The following IGFL4 variants were observed in gnomAD, a reference collection of about 807,000 sequenced individuals.
The protein encoded by IGFL4 is IGF like family member 4.
Under a neutral mutation model 15.4 loss-of-function variants are expected in IGFL4, and 12 were observed. The ratio of observed to expected loss-of-function variants is 0.78; its 90% CI spans 0.50 to 1.26. IGFL4 has a LOEUF of 1.26. IGFL4 is among the 50% of genes most tolerant of loss of function. IGFL4 has a pLI of 0.00. For missense variants in IGFL4, 126 were observed against 147.8 expected (o/e 0.85, Z 0.76); for synonymous variants, 54 against 55.9 (o/e 0.97, Z 0.16).
At chr19:46,044,683 C>T (rs1400334580), upstream of IGFL4, among the ~76,000 whole-genome samples, 1 of 152,204 alleles carries the variant, frequency 6.6e-6, no homozygotes, top group East Asian at 1.9e-4. Flanking sequence ...GACCCCATTC[C>T]TCCTGACTGG....
intron 1 of IGFL4, among the ~76,000 whole-genome samples, chr19:46,074,948 A>C (rs1969581317): frequency 6.6e-6 from 1 of 152,214 alleles, no homozygotes. Context: ...CTTTCACCAC[A>C]TTCTACTGGT....
intron 1 of IGFL4, among the ~76,000 whole-genome samples, chr19:46,067,570 A>G (rs1969506830): frequency 1.3e-5 from 2 of 152,200 alleles, no homozygotes; most frequent in Admixed American, 1.3e-4. Context: ...ATGACTGCAC[A>G]TAAGTCTCAT....
intron 1 of IGFL4, among the ~76,000 whole-genome samples, chr19:46,069,384 C>A (rs1246863640): frequency 6.6e-6 from 1 of 152,116 alleles, no homozygotes; most frequent in African/African-American, 2.4e-5. Context: ...CAAATGTATT[C>A]TAATGAAAAT....
rs71298768 is a variant in IGFL4, at chr19:46,064,164, C to CTAATTT, written c.-431-3872_-431-3871insAAATTA. On this transcript the variant is annotated intron_variant, in intron 1 of 5. Transcript: ENST00000601672. Reference sequence around the variant, plus strand: ...ACCTAGAAAAGCCAAAATATTTATTCTTAATTTTAATATTTGTGGGTACAT... The same window carrying CTAATTT: ...ACCTAGAAAAGCCAAAATATTTATTCTAATTTTTAATTTTAATATTTGTGGGTACAT... Among the ~76,000 whole-genome samples the CTAATTT allele has an allele frequency of 2.0e-5, 3 of 151,484 alleles. No homozygotes were observed. The East Asian group carries it at 5.8e-4, about 29-fold the overall frequency.
Position 46,040,586 on chromosome 19 carries a change from A to G in IGFL4, c.20-18T>C. 6.2e-7 allele frequency: 1 copy of G among 1,613,822 alleles called. No individual in the cohort carries two copies. The highest frequency in any genetic ancestry group is 8.5e-7 in the Non-Finnish European group (1 of 1,179,950). ...GATGGCAGCTGAGAAGCAGAAGGAG[A>G]GCGAGAATGATTCTGAGGTCACTAG... On this transcript the variant is annotated intron_variant, in intron 1 of 3. Transcript: ENST00000377697. This position sits in a 1 kb window ranked among gnomAD's most constrained non-coding sequence, Gnocchi z 4.1.
Position 46,040,461 on chromosome 19 carries a change from C to G in IGFL4, c.71-45G>C. 1 of 1,613,866 alleles carries G rather than the reference C, an allele frequency of 6.2e-7. No individual in the cohort carries two copies. Among genetic ancestry groups the G allele is most frequent in the Non-Finnish European group, 8.5e-7 (1 of 1,179,736 alleles). On this transcript the variant is annotated intron_variant, in intron 2 of 3. Coordinates refer to ENST00000377697, the MANE Select transcript of IGFL4 (RefSeq NM_001002923.3). This position sits in a 1 kb window ranked among gnomAD's most constrained non-coding sequence, Gnocchi z 4.1. ...ATGGGCTGCAAGGACCAGCCTAGGA[C>G]CACCTCCCCACCAACCTTAATGCTG...
chr19:46,054,643 AT>A (rs888850030), intron 2 of IGFL4, among the ~76,000 whole-genome samples: 9 of 151,992 alleles, frequency 5.9e-5, no homozygotes, highest in African/African-American at 1.9e-4. Flanking sequence ...CTCAAAAGCC[AT>A]TTTTTTTCAT....
intron 1 of IGFL4, among the ~76,000 whole-genome samples, chr19:46,073,312 A>C (rs530302381): frequency 3.9e-5 from 6 of 152,348 alleles, no homozygotes; most frequent in Non-Finnish European, 7.3e-5. Context: ...AGATATGATC[A>C]GGATGCCCTA....
At chr19:46,070,631 C>T (rs571503819) in intron 1 of IGFL4, among the ~76,000 whole-genome samples, 1 of 151,860 alleles carries the variant, frequency 6.6e-6, no homozygotes, top group Non-Finnish European at 1.5e-5. Context: ...AAGTGATGAC[C>T]ATACAGATAT....
upstream of IGFL4, among the ~76,000 whole-genome samples, chr19:46,044,453 C>T (rs1396361254): frequency 6.6e-6 from 1 of 152,188 alleles, no homozygotes; most frequent in Non-Finnish European, 1.5e-5. Flanking sequence ...GAATTCCAGC[C>T]AGCCAACAGC....
At chr19:46,061,804 G>A (rs538420336) in intron 1 of IGFL4, among the ~76,000 whole-genome samples, 33 of 152,256 alleles carry the variant, frequency 2.2e-4, no homozygotes, top group African/African-American at 7.2e-4. Flanking sequence ...AGGTGGTCAA[G>A]AGCATGCTTT....
At chr19:46,068,455 ATT>A (rs1034877737) in intron 1 of IGFL4, among the ~76,000 whole-genome samples, 4 of 152,108 alleles carry the variant, frequency 2.6e-5, no homozygotes, top group African/African-American at 9.7e-5. Flanking sequence ...ATAGTTCTCA[ATT>A]TTTTTGCTTG....
upstream of IGFL4, among the ~76,000 whole-genome samples, chr19:46,043,069 G>A (rs745667107): frequency 3.3e-5 from 5 of 152,056 alleles, no homozygotes; most frequent in African/African-American, 1.2e-4. Flanking sequence ...CCAAAGCTCC[G>A]GGAACTAATA....
chr19:46,051,988 A>G (rs1413769444), intron 2 of IGFL4, among the ~76,000 whole-genome samples: 2 of 152,194 alleles, frequency 1.3e-5, no homozygotes. Context: ...TTATAAAACA[A>G]TTAGTACTAG....
intron 1 of IGFL4, among the ~76,000 whole-genome samples, chr19:46,068,394 A>G (rs1440498660): frequency 6.6e-6 from 1 of 152,230 alleles, no homozygotes; most frequent in East Asian, 1.9e-4. Context: ...TCCAACATAA[A>G]ACAAGACTGA....
chr19:46,067,709 C>T (rs1246752090), intron 1 of IGFL4, among the ~76,000 whole-genome samples: 2 of 152,026 alleles, frequency 1.3e-5, no homozygotes, highest in Non-Finnish European at 2.9e-5. Flanking sequence ...TGTGGGGTTG[C>T]AGGATGGGGC....
intron 1 of IGFL4, among the ~76,000 whole-genome samples, chr19:46,062,140 A>G (rs1052908953): frequency 6.6e-6 from 1 of 152,204 alleles, no homozygotes; most frequent in Non-Finnish European, 1.5e-5. Context: ...TTTTAACCAT[A>G]GTGCTCTTAA....
At chr19:46,063,362 C>CACACACAT (rs1407107468) in intron 1 of IGFL4, among the ~76,000 whole-genome samples, 23 of 143,490 alleles carry the variant, frequency 1.6e-4, no homozygotes, top group Non-Finnish European at 3.1e-4. Flanking sequence ...CACACACACA[C>CACACACAT]ACACATACAC....
chr19:46,070,931 TA>T (rs1377613718), intron 1 of IGFL4, among the ~76,000 whole-genome samples: 7 of 152,124 alleles, frequency 4.6e-5, no homozygotes, highest in African/African-American at 1.7e-4. Flanking sequence ...TTGAATCGCC[TA>T]ATCACCAGGT....
Sources: gnomAD v4.1 joint callset for allele counts (sites outside exome capture counted in the v4.1 genomes callset) on GRCh38, gnomAD v4.1.1 for gene constraint, Gnocchi (gnomAD v3.1) non-coding constraint, MANE v1.5 for transcripts, NCBI Gene and HGNC (gene_info 2026-07-23, HGNC 2026-07-21) for gene names.